The following MARCHF5 variants were observed in gnomAD, a reference collection of about 807,000 sequenced individuals.
MARCHF5 encodes the protein E3 ubiquitin-protein ligase MARCHF5.
Under a neutral mutation model 36.5 loss-of-function variants are expected in MARCHF5, and 5 were observed. That is an observed-to-expected ratio of 0.14 (90% confidence interval 0.07 to 0.29). The LOEUF is 0.29. MARCHF5 is among the 10% of genes least tolerant of loss of function. The pLI is 1.00. For synonymous variants in MARCHF5, 103 were observed against 109.9 expected (o/e 0.94, Z 0.39); for missense variants, 179 against 336.3 (o/e 0.53, Z 3.66).
chr10:92,291,514 A>T lies in MARCHF5; in HGVS notation c.20A>T (p.Gln7Leu). ...CGGAAGATGCCGGACCAAGCCCTAC[A>T]GCAGATGCTGGACAGGTACGGGCAG... MPDQAL[Q>L]QMLDRSCWVC... The change falls in exon 1 of 6, where the codon CAG becomes CTG. Residue 7 changes from glutamine to leucine, a missense_variant. This residue lies in a region of MARCHF5 where 18 missense variants were observed against 16.3 expected (regional missense o/e 1.11). Coordinates refer to ENST00000358935, the MANE Select transcript of MARCHF5 (RefSeq NM_017824.5). 1.3e-6 allele frequency: 2 copies of T among 1,547,494 alleles called. No individual in the cohort carries two copies. Among genetic ancestry groups the T allele is most frequent in the Non-Finnish European group, 1.7e-6 (2 of 1,145,520 alleles).
intron 1 of MARCHF5, among the ~76,000 whole-genome samples, chr10:92,304,177 T>G (rs1333163296): frequency 6.6e-6 from 1 of 152,200 alleles, no homozygotes; most frequent in Non-Finnish European, 1.5e-5. Flanking sequence ...CAAGTAGAAT[T>G]GCTTTATGTG....
In MARCHF5 at chr10:92,347,463, CAGATAGATAGAT is replaced by C. The variant is rs71025396; in HGVS notation, c.370-1837_370-1826del. ...TCATGCCAAGACTGAAACTCCGTCT[CAGATAGATAGAT>C]AGATAGATAGATAGATAGATAGATA... On this transcript the variant is annotated intron_variant, in intron 3 of 5. Coordinates refer to ENST00000358935, the MANE Select transcript of MARCHF5 (RefSeq NM_017824.5). Among the ~76,000 whole-genome samples the C allele has an allele frequency of 2.3e-3, 189 of 82,570 alleles. 2 individuals carry two copies. The highest frequency in any genetic ancestry group is 7.5e-3 in the African/African-American group (174 of 23,236). 54.2% of individuals were successfully genotyped at this position (82,570 alleles called of 152,430 possible).
intron 1 of MARCHF5, among the ~76,000 whole-genome samples, chr10:92,299,403 G>T (rs1842986370): frequency 6.6e-6 from 1 of 151,974 alleles, no homozygotes. Flanking sequence ...ATCCTTTCCT[G>T]CACTCCCCTT....
intron 1 of MARCHF5, among the ~76,000 whole-genome samples, chr10:92,301,209 C>T (rs183859036): frequency 1.8e-4 from 27 of 152,220 alleles, no homozygotes; most frequent in African/African-American, 5.1e-4. Context: ...CTTTACATGC[C>T]GTAGTTCACA....
At chr10:92,307,309 T>A (rs1590648855) in intron 1 of MARCHF5, among the ~76,000 whole-genome samples, 1 of 152,258 alleles carries the variant, frequency 6.6e-6, no homozygotes, top group East Asian at 1.9e-4. Context: ...GACATTTGTG[T>A]GACCATTTTT....
chr10:92,346,361 A>G (rs1843643815), intron 3 of MARCHF5, among the ~76,000 whole-genome samples: 1 of 152,198 alleles, frequency 6.6e-6, no homozygotes, highest in South Asian at 2.1e-4. Context: ...TATTCAGTGA[A>G]TGAATGAATG....
At chr10:92,345,133 C>G (rs1315731396) in intron 3 of MARCHF5, among the ~76,000 whole-genome samples, 2 of 151,736 alleles carry the variant, frequency 1.3e-5, no homozygotes, top group Non-Finnish European at 2.9e-5. Context: ...TAGCATTGCC[C>G]ATTCTTAATT....
Position 92,320,688 on chromosome 10 carries a change from C to T in MARCHF5, c.238+9351C>T, listed in dbSNP as rs1451162759. Among the ~76,000 whole-genome samples, 8 of 151,810 alleles carry T rather than the reference C, an allele frequency of 5.3e-5. No homozygotes were observed. The East Asian group carries it at 9.6e-4, about 18-fold the overall frequency. On this transcript the variant is annotated intron_variant, in intron 2 of 5. Coordinates refer to ENST00000358935, the MANE Select transcript of MARCHF5 (RefSeq NM_017824.5). ...TAAAATAAGGATAAAAAATTTTTCG[C>T]ACAACTGTACAATATGTGTTTTAAG...
chr10:92,295,306 G>A (rs1233110927), intron 1 of MARCHF5, among the ~76,000 whole-genome samples: 1 of 105,648 alleles, frequency 9.5e-6, no homozygotes, highest in East Asian at 2.9e-4. Flanking sequence ...TAAACTAGAG[G>A]CAACTTTTCT....
At chr10:92,327,955 A>C (rs1843386840) in intron 2 of MARCHF5, among the ~76,000 whole-genome samples, 2 of 152,126 alleles carry the variant, frequency 1.3e-5, no homozygotes, top group African/African-American at 4.8e-5. Context: ...GTAATGATTC[A>C]TGTAGGTATT....
intron 2 of MARCHF5, among the ~76,000 whole-genome samples, chr10:92,314,228 A>G (rs1172573621): frequency 6.6e-6 from 1 of 151,948 alleles, no homozygotes; most frequent in Non-Finnish European, 1.5e-5. Context: ...AGAGAGAATT[A>G]TAATTTTACT....
At chr10:92,322,744 T>G (rs1487557222) in intron 2 of MARCHF5, among the ~76,000 whole-genome samples, 1 of 150,678 alleles carries the variant, frequency 6.6e-6, no homozygotes, top group African/African-American at 2.5e-5. Flanking sequence ...TTTTTTTTTC[T>G]TTCTTTGTTT....
At chr10:92,350,714 C>T (rs1590671561) in intron 5 of MARCHF5, among the ~76,000 whole-genome samples, 1 of 152,192 alleles carries the variant, frequency 6.6e-6, no homozygotes, top group South Asian at 2.1e-4. Flanking sequence ...GCTGTTTGGT[C>T]ATATAGCCTC....
chr10:92,295,403 A>ATT (rs1218569309), intron 1 of MARCHF5, among the ~76,000 whole-genome samples: 35 of 67,624 alleles, frequency 5.2e-4, no homozygotes, highest in South Asian at 3.0e-3. Context: ...TTATTTATTT[A>ATT]TTTATTTTTT....
chr10:92,329,009 A>G (rs756938916), intron 2 of MARCHF5, among the ~76,000 whole-genome samples: 1 of 152,052 alleles, frequency 6.6e-6, no homozygotes, highest in African/African-American at 2.4e-5. Flanking sequence ...AGAGATTGAT[A>G]ATTTATTTTT....
intron 2 of MARCHF5, among the ~76,000 whole-genome samples, chr10:92,314,582 C>T (rs545850876): frequency 2.4e-3 from 370 of 152,148 alleles, no homozygotes; most frequent in Non-Finnish European, 4.2e-3. Context: ...GCAGAGGTTG[C>T]TGTGAGCCAA....
chr10:92,340,089 G>T (rs989172427), intron 2 of MARCHF5, among the ~76,000 whole-genome samples: 3 of 152,260 alleles, frequency 2.0e-5, no homozygotes, highest in South Asian at 4.2e-4. Flanking sequence ...TCAGAGAAAT[G>T]ATATTCTTAC....
chr10:92,298,935 G>A (rs932057377), intron 1 of MARCHF5, among the ~76,000 whole-genome samples: 4 of 151,688 alleles, frequency 2.6e-5, no homozygotes, highest in East Asian at 1.9e-4. Flanking sequence ...CTCCCAAGTA[G>A]CTAGGAGCAC....
intron 2 of MARCHF5, among the ~76,000 whole-genome samples, chr10:92,338,082 T>TG (rs899985163): frequency 6.6e-6 from 1 of 151,510 alleles, no homozygotes; most frequent in Non-Finnish European, 1.5e-5. Context: ...CCCAGCTACT[T>TG]GGGGGCTGAG....
Sources: allele counts gnomAD v4.1 joint callset (sites outside exome capture counted in the v4.1 genomes callset), GRCh38; gene constraint gnomAD v4.1.1; regional missense constraint gnomAD v4.1.1; transcripts MANE v1.5; gene names NCBI Gene and HGNC (gene_info 2026-07-23, HGNC 2026-07-21).